PHF24: variants seen among roughly 807,000 people sequenced by gnomAD.
PHF24 encodes the protein PHD finger protein 24.
A neutral mutation model predicts 42.6 loss-of-function variants in PHF24; 25 were observed. The observed-to-expected ratio is 0.59, with a 90% CI of 0.43 to 0.82. PHF24 has a LOEUF of 0.82. Ranked by LOEUF, PHF24 falls within the 40% of genes least tolerant of loss-of-function variation. The pLI is 0.00. For missense variants in PHF24, 470 were observed against 538.1 expected (o/e 0.87, Z 1.25); for synonymous variants, 185 against 204.8 (o/e 0.90, Z 0.83).
chr9:34,824,088 GT>G, the PHF24 span, among the ~76,000 whole-genome samples: 6 of 152,210 alleles, frequency 3.9e-5, 1 homozygote, highest in Non-Finnish European at 8.8e-5. Flanking sequence ...GCCTGGTAGA[GT>G]TTCCAGGGCA....
the PHF24 span, among the ~76,000 whole-genome samples, chr9:34,875,225 G>A: frequency 6.6e-6 from 1 of 152,080 alleles, no homozygotes; most frequent in Non-Finnish European, 1.5e-5. Context: ...TCTTAAGCTT[G>A]AGAATTCTGT....
rs1172648106 is a variant in PHF24, at chr9:34,972,591, A to G, written c.564+60A>G. 9 of 1,482,626 alleles carry G rather than the reference A, an allele frequency of 6.1e-6. No individual in the cohort carries two copies. The African/African-American group carries it at 1.3e-4, about 21-fold the overall frequency. The allele number at this position is 1,482,626 out of a possible 1,614,324, so 91.8% of individuals were successfully genotyped here. A position where few individuals can be genotyped will look rare whatever the true frequency, so the allele number is the denominator to read the frequency against. On this transcript the variant is annotated intron_variant, in intron 3 of 7. Transcript: ENST00000242315. ...GCACTTTTCCTGGAGGCCCGGTCTT[A>G]GAACACTTGATTTTAGGCAGTGACC...
At chr9:34,879,530 C>A in the PHF24 span, among the ~76,000 whole-genome samples, 6 of 152,144 alleles carry the variant, frequency 3.9e-5, no homozygotes, top group African/African-American at 1.2e-4. Flanking sequence ...GAGCTGAAAA[C>A]CATGGCACAG....
the PHF24 span, among the ~76,000 whole-genome samples, chr9:34,916,161 G>A: frequency 2.6e-5 from 4 of 152,174 alleles, no homozygotes; most frequent in South Asian, 2.1e-4. Context: ...ATAGCAGCAC[G>A]AGAACGAACT....
At chr9:34,846,715 G>A in the PHF24 span, among the ~76,000 whole-genome samples, 1 of 152,154 alleles carries the variant, frequency 6.6e-6, no homozygotes, top group Non-Finnish European at 1.5e-5. Context: ...TTTTCTTCTA[G>A]GGTTTTTATG....
At chr9:34,906,191 G>C in the PHF24 span, among the ~76,000 whole-genome samples, 1 of 152,176 alleles carries the variant, frequency 6.6e-6, no homozygotes, top group Non-Finnish European at 1.5e-5. Flanking sequence ...GAGCCAATAT[G>C]AGTGACCATG....
At chr9:34,969,437 C>T (rs536746660) in intron 1 of PHF24, among the ~76,000 whole-genome samples, 35 of 151,870 alleles carry the variant, frequency 2.3e-4, no homozygotes, top group African/African-American at 8.0e-4. Flanking sequence ...GTCAGGAGAT[C>T]GAGACCATCC....
At chr9:34,958,220 C>A (rs7863231), upstream of PHF24, 126,324 of 158,488 alleles carry the variant, frequency 0.8, 50,674 homozygotes, top group East Asian at 0.91. This position sits in a 1 kb window ranked among gnomAD's most constrained non-coding sequence, Gnocchi z 4.5. Context: ...TGTGCTCCGG[C>A]CGCGCGCGCC....
chr9:34,912,269 C>T, the PHF24 span, among the ~76,000 whole-genome samples: 3 of 152,114 alleles, frequency 2.0e-5, no homozygotes, highest in East Asian at 3.9e-4. Context: ...TGTTACTTTT[C>T]TCTCTCTCTT....
the PHF24 span, among the ~76,000 whole-genome samples, chr9:34,950,332 A>T: frequency 6.7e-6 from 1 of 148,502 alleles, no homozygotes; most frequent in Non-Finnish European, 1.5e-5. Context: ...AGCCTGGGTG[A>T]CAGAGCGAGA....
the PHF24 span, among the ~76,000 whole-genome samples, chr9:34,797,331 A>G: frequency 6.6e-6 from 1 of 152,156 alleles, no homozygotes; most frequent in African/African-American, 2.4e-5. Flanking sequence ...TAGACCCTAT[A>G]TCTTGTCGCA....
At chr9:34,918,082 T>C in the PHF24 span, 1 of 1,515,220 alleles carries the variant, frequency 6.6e-7, no homozygotes, top group Non-Finnish European at 9.2e-7. Flanking sequence ...CTAACTGGAT[T>C]CCATGAAACC....
chr9:34,931,581 AAAATAAAAAAT>A, the PHF24 span, among the ~76,000 whole-genome samples: 2 of 151,962 alleles, frequency 1.3e-5, no homozygotes, highest in African/African-American at 4.8e-5. Context: ...AAATACAACA[AAAATAAAAAAT>A]AAATAAAAAA....
At chr9:34,681,867 T>C in the PHF24 span, among the ~76,000 whole-genome samples, 3 of 152,420 alleles carry the variant, frequency 2.0e-5, no homozygotes, top group South Asian at 2.1e-4. Context: ...GATAGGAGTA[T>C]AGACTTAGAA....
chr9:34,965,016 G>A (rs1826720352), intron 1 of PHF24, among the ~76,000 whole-genome samples: 1 of 152,200 alleles, frequency 6.6e-6, no homozygotes, highest in Non-Finnish European at 1.5e-5. Flanking sequence ...GGTATAATTT[G>A]TGGGATCTTT....
At chr9:34,738,690 C>T in the PHF24 span, among the ~76,000 whole-genome samples, 6 of 152,184 alleles carry the variant, frequency 3.9e-5, no homozygotes, top group African/African-American at 1.4e-4. Context: ...CCAGTTCTGA[C>T]TAAGAACATA....
chr9:34,683,793 C>G, the PHF24 span, among the ~76,000 whole-genome samples: 84,424 of 152,046 alleles, frequency 0.56, 23,804 homozygotes, highest in East Asian at 0.8. Flanking sequence ...GTGCTCCCTT[C>G]GTCCTGTGGA....
chr9:34,680,477 A>G, the PHF24 span, among the ~76,000 whole-genome samples: 1 of 151,790 alleles, frequency 6.6e-6, no homozygotes, highest in East Asian at 1.9e-4. Context: ...TCACGAGGTC[A>G]GGAGATCGAG....
At chr9:34,838,237 G>A in the PHF24 span, 2 of 629,982 alleles carry the variant, frequency 3.2e-6, no homozygotes, top group Non-Finnish European at 2.9e-6. Context: ...CTAAAGGTAT[G>A]GCATAAAAAT....
Sources: gnomAD v4.1 joint callset for allele counts (sites outside exome capture counted in the v4.1 genomes callset) on GRCh38, gnomAD v4.1.1 for gene constraint, Gnocchi (gnomAD v3.1) non-coding constraint, MANE v1.5 for transcripts, NCBI Gene and HGNC (gene_info 2026-07-23, HGNC 2026-07-21) for gene names.